DLG2: variants seen among roughly 807,000 people sequenced by gnomAD.
The protein encoded by DLG2 is disks large homolog 2.
In DLG2, 45 loss-of-function variants were observed where a neutral mutation model predicts 132.5. That is an observed-to-expected ratio of 0.34 (90% CI 0.27 to 0.44). The LOEUF is 0.44. DLG2 is among the 20% of genes least tolerant of loss of function. The probability of loss-of-function intolerance (pLI) is 1.00; values close to 1 mark genes in which losing one functional copy is unlikely to be tolerated. For synonymous variants in DLG2, 424 were observed against 419.6 expected (o/e 1.01, Z -0.13); for missense variants, 1,045 against 1,196.9 (o/e 0.87, Z 1.87).
intron 15 of DLG2, among the ~76,000 whole-genome samples, chr11:83,902,368 T>C (rs2073701120): frequency 6.6e-6 from 1 of 152,180 alleles, no homozygotes; most frequent in African/African-American, 2.4e-5. Context: ...TGAATCAAGA[T>C]TGTTATATGG....
intron 6 of DLG2, among the ~76,000 whole-genome samples, chr11:84,627,755 G>T: frequency 6.6e-6 from 1 of 152,172 alleles, no homozygotes; most frequent in East Asian, 1.9e-4. Flanking sequence ...AGTCCTCAGG[G>T]AGCTTTTACT....
chr11:85,576,861 G>A lies in DLG2; in HGVS notation c.40+21796C>T, dbSNP rs554919536. Among the ~76,000 whole-genome samples, 92 of 152,236 alleles carry A rather than the reference G, an allele frequency of 6.0e-4. 3 individuals are homozygous for A. The South Asian group carries it at 0.018, about 30-fold the overall frequency. On this transcript the variant is annotated intron_variant, in intron 3 of 27. Coordinates refer to ENST00000376104, the MANE Select transcript of DLG2 (RefSeq NM_001142699.3). ...TAACGGGAGAAGGGTGGCTATTTTA[G>A]ATGGAAGTAAGGAAAGGCTTAAGAT...
At chr11:85,074,836 A>G (rs1050901887) in intron 6 of DLG2, among the ~76,000 whole-genome samples, 43 of 152,020 alleles carry the variant, frequency 2.8e-4, no homozygotes, top group African/African-American at 9.4e-4. Context: ...AGTATGTGCT[A>G]AATTTGAATT....
intron 7 of DLG2, among the ~76,000 whole-genome samples, chr11:84,352,093 C>T (rs893014497): frequency 6.6e-6 from 1 of 152,246 alleles, no homozygotes; most frequent in Middle Eastern, 3.4e-3. Context: ...ACAAATGAGG[C>T]AATGCAGTCT....
rs143105652 is a variant in DLG2 at position 84,413,302 on chromosome 11, G to A, written c.519+121268C>T. 5.3e-3 allele frequency among the ~76,000 whole-genome samples: 804 copies of A among 152,262 alleles called. 13 individuals carry two copies. The highest frequency in any genetic ancestry group is 0.017 in the African/African-American group (712 of 41,550). On this transcript the variant is annotated intron_variant, in intron 7 of 27. Coordinates refer to ENST00000376104, the MANE Select transcript of DLG2 (RefSeq NM_001142699.3). ...GATATGAAAGAACAGCAGAAAGCAC[G>A]GAGTCAAATGAACTACTAGTTTAGA...
intron 7 of DLG2, among the ~76,000 whole-genome samples, chr11:84,358,774 A>C (rs1186238142): frequency 6.6e-6 from 1 of 151,968 alleles, no homozygotes; most frequent in Non-Finnish European, 1.5e-5. Context: ...AAAGGTAATA[A>C]TCATTTTGCT....
At chr11:83,798,341 A>C in intron 17 of DLG2, among the ~76,000 whole-genome samples, 1 of 152,218 alleles carries the variant, frequency 6.6e-6, no homozygotes, top group East Asian at 1.9e-4. Context: ...GAGTTTAAGC[A>C]AATAAAATGC....
At chr11:83,983,965 AT>A (rs1388281532) in intron 11 of DLG2, among the ~76,000 whole-genome samples, 2 of 152,238 alleles carry the variant, frequency 1.3e-5, no homozygotes, top group Non-Finnish European at 1.5e-5. Context: ...TACAGAGGTT[AT>A]TCCAAACTCT....
At chr11:84,305,944 CAAAT>C (rs2098213172) in intron 7 of DLG2, among the ~76,000 whole-genome samples, 1 of 152,106 alleles carries the variant, frequency 6.6e-6, no homozygotes, top group African/African-American at 2.4e-5. Flanking sequence ...GTATGGCAAT[CAAAT>C]AAAATATTTT....
At chr11:85,270,318 G>A (rs187378613) in intron 4 of DLG2, among the ~76,000 whole-genome samples, 5 of 152,238 alleles carry the variant, frequency 3.3e-5, no homozygotes, top group African/African-American at 7.2e-5. Flanking sequence ...CTTGTCTGCC[G>A]CCATGTGAGA....
intron 7 of DLG2, chr11:84,317,214 T>C: frequency 6.5e-7 from 1 of 1,528,930 alleles, no homozygotes; most frequent in Non-Finnish European, 8.8e-7. Context: ...CACACCCCTT[T>C]CTTCCAGCCA....
At chr11:85,433,700 CT>C (rs2091320721) in intron 3 of DLG2, among the ~76,000 whole-genome samples, 1 of 152,200 alleles carries the variant, frequency 6.6e-6, no homozygotes, top group African/African-American at 2.4e-5. Context: ...GAGACTTAGA[CT>C]CCCACACAAG....
intron 7 of DLG2, among the ~76,000 whole-genome samples, chr11:84,501,469 G>A (rs1341288694): frequency 1.3e-5 from 2 of 152,172 alleles, no homozygotes; most frequent in Admixed American, 6.5e-5. Flanking sequence ...AGAGGCTGAG[G>A]CAGGAAAATT....
chr11:83,606,352 A>G (rs2059331019), intron 19 of DLG2, among the ~76,000 whole-genome samples: 1 of 152,222 alleles, frequency 6.6e-6, no homozygotes, highest in Non-Finnish European at 1.5e-5. Flanking sequence ...GTATCTATGT[A>G]TCTAAATCCG....
At chr11:83,504,767 G>C (rs2094607067) in intron 21 of DLG2, among the ~76,000 whole-genome samples, 1 of 152,144 alleles carries the variant, frequency 6.6e-6, no homozygotes, top group South Asian at 2.1e-4. Context: ...CTGGACCCGT[G>C]AATCCTGGCT....
At chr11:85,014,913 G>A (rs1006841733) in intron 6 of DLG2, among the ~76,000 whole-genome samples, 2 of 152,116 alleles carry the variant, frequency 1.3e-5, no homozygotes, top group African/African-American at 4.8e-5. Context: ...GAGTTATCCC[G>A]AGTCTCCTAT....
At chr11:84,633,208 G>A (rs1300363774) in intron 6 of DLG2, among the ~76,000 whole-genome samples, 4 of 152,138 alleles carry the variant, frequency 2.6e-5, no homozygotes, top group Admixed American at 1.3e-4. Flanking sequence ...TTAGAACAAA[G>A]TTCAGACTTC....
intron 6 of DLG2, among the ~76,000 whole-genome samples, chr11:84,948,240 T>G (rs1429547319): frequency 1.3e-5 from 2 of 152,254 alleles, no homozygotes; most frequent in East Asian, 1.9e-4. Flanking sequence ...CTGTTCTGTT[T>G]CTATTTTCCT....
At chr11:85,204,105 C>G (rs553912359) in intron 4 of DLG2, among the ~76,000 whole-genome samples, 1 of 152,178 alleles carries the variant, frequency 6.6e-6, no homozygotes, top group East Asian at 1.9e-4. Flanking sequence ...AAATTGAAAG[C>G]ATTTCCATAA....
Sources: allele counts gnomAD v4.1 joint callset (sites outside exome capture counted in the v4.1 genomes callset), GRCh38; gene constraint gnomAD v4.1.1; transcripts MANE v1.5; gene names NCBI Gene and HGNC (gene_info 2026-07-23, HGNC 2026-07-21).